The following SIAE variants were observed in gnomAD, a reference collection of about 807,000 sequenced individuals.
SIAE encodes sialic acid acetylesterase.
Under a neutral mutation model 52.6 loss-of-function variants are expected in SIAE, and 39 were observed. That is an observed-to-expected ratio of 0.74 (90% CI 0.57 to 0.97). SIAE has a LOEUF of 0.97. Ranked by LOEUF, SIAE falls within the 50% of genes least tolerant of loss-of-function variation. The pLI is 0.00. For missense variants in SIAE, 592 were observed against 662.1 expected (o/e 0.89, Z 1.16); for synonymous variants, 233 against 241.4 (o/e 0.97, Z 0.32).
At position 124,660,655 on chromosome 11, in the gene SIAE, C is replaced by T; in HGVS notation, c.378G>A (p.Gln126=). Residue 126 remains glutamine, a synonymous_variant, in exon 3 of 10, where the codon CAG becomes CAA. Transcript: ENST00000263593. ...LFGDVWLCSG[Q]SNMQMTVLQI... ...GTAACACAGTCATCTGCATGTTACTCTGCCCACTACAGAGCCAGACATCTC... is the reference window on the plus strand; with the variant it reads ...GTAACACAGTCATCTGCATGTTACTTTGCCCACTACAGAGCCAGACATCTC... 6.2e-7 allele frequency: 1 copy of T among 1,614,142 alleles called. No homozygotes were observed. Among genetic ancestry groups the T allele is most frequent in the Non-Finnish European group, 8.5e-7 (1 of 1,180,032 alleles).
Position 124,633,754 on chromosome 11 carries a change from T to C in SIAE, c.*3197A>G, listed in dbSNP as rs1942660867. 6.6e-6 allele frequency: 1 copy of C among 152,220 alleles called. No homozygotes were observed. The highest frequency in any genetic ancestry group is 2.1e-4 in the South Asian group (1 of 4,832). 9.4% of individuals were successfully genotyped at this position (152,220 alleles called of 1,614,324 possible). ...CTGCTTAAAATGTTAATGCAGTGTT[T>C]TTCTTTTTTTCTCTGCATAAATGGC... On this transcript the variant is annotated 3_prime_UTR_variant, in exon 10 of 10. Coordinates refer to ENST00000263593, the MANE Select transcript of SIAE (RefSeq NM_170601.5).
At chr11:124,649,857 G>A in intron 4 of SIAE, 61 bp from the exon 5 acceptor site, 1 of 1,570,872 alleles carries the variant, frequency 6.4e-7, no homozygotes, top group Non-Finnish European at 8.7e-7. Context: ...ACAAACTGCA[G>A]CTGCTAGGTG....
chr11:124,650,900 T>C (rs543013977), intron 4 of SIAE, among the ~76,000 whole-genome samples: 1 of 152,280 alleles, frequency 6.6e-6, no homozygotes, highest in South Asian at 2.1e-4. Context: ...CCAAAACTAG[T>C]GTTTAAATTC....
rs1408221671 is a variant in SIAE at position 124,635,833 on chromosome 11, A to G, written c.*1118T>C. ...CTTTTATTTATTTCCAACTTCTTAT[A>G]GGTAACATAATTTTCAGACAATGTT... On this transcript the variant is annotated 3_prime_UTR_variant, in exon 10 of 10. Coordinates refer to ENST00000263593, the MANE Select transcript of SIAE (RefSeq NM_170601.5). The G allele has an allele frequency of 6.6e-6, 1 of 152,224 alleles. No homozygotes were observed. Among genetic ancestry groups the G allele is most frequent in the African/African-American group, 2.4e-5 (1 of 41,456 alleles). The allele number at this position is 152,224 out of a possible 1,614,324, so 9.4% of individuals were successfully genotyped here.
At chr11:124,639,284 GGAAT>G (rs1942804605) in intron 8 of SIAE, among the ~76,000 whole-genome samples, 1 of 152,190 alleles carries the variant, frequency 6.6e-6, no homozygotes, top group Admixed American at 6.5e-5. Context: ...TGAGGCCAGA[GGAAT>G]GCTGGAATTC....
chr11:124,660,594 C>G, intron 3 of SIAE, 34 bp downstream of exon 3: 1 of 1,610,070 alleles, frequency 6.2e-7, no homozygotes, highest in Middle Eastern at 1.7e-4. Flanking sequence ...TCATCACCAA[C>G]ACTGTGTATT....
rs1459709596 is a variant in SIAE at position 124,633,217 on chromosome 11, G to C, written c.*3734C>G. 1 of 152,124 alleles carries C rather than the reference G, an allele frequency of 6.6e-6. No individual in the cohort carries two copies. Among genetic ancestry groups the C allele is most frequent in the Non-Finnish European group, 1.5e-5 (1 of 68,032 alleles). The allele number at this position is 152,124 out of a possible 1,614,324, so 9.4% of individuals were successfully genotyped here. A position where few individuals can be genotyped will look rare whatever the true frequency, so the allele number is the denominator to read the frequency against. Reference sequence around the variant, plus strand: ...TAACACAAATTCACATATAATTGGGGGTTAGTCCCATACTCTATAACAGAC... The same window carrying C: ...TAACACAAATTCACATATAATTGGGCGTTAGTCCCATACTCTATAACAGAC... On this transcript the variant is annotated 3_prime_UTR_variant, in exon 10 of 10. Transcript: ENST00000263593.
intron 2 of SIAE, among the ~76,000 whole-genome samples, chr11:124,663,200 A>G (rs1943216718): frequency 6.6e-6 from 1 of 152,234 alleles, no homozygotes; most frequent in Admixed American, 6.5e-5. Context: ...AGAAGAGTTA[A>G]CTTCCAGGCA....
At chr11:124,650,802 G>A (rs1943005751) in intron 4 of SIAE, among the ~76,000 whole-genome samples, 1 of 151,950 alleles carries the variant, frequency 6.6e-6, no homozygotes, top group Admixed American at 6.5e-5. Context: ...TAAAATAAAA[G>A]TCAAAAAATA....
At chr11:124,651,176 T>TA (rs1406161488) in intron 4 of SIAE, among the ~76,000 whole-genome samples, 1 of 152,138 alleles carries the variant, frequency 6.6e-6, no homozygotes, top group Admixed American at 6.5e-5. Flanking sequence ...CAGGAACTAC[T>TA]AGATGGATGG....
At chr11:124,672,965 A>G (rs1943389702) in intron 1 of SIAE, among the ~76,000 whole-genome samples, 1 of 152,156 alleles carries the variant, frequency 6.6e-6, no homozygotes, top group Admixed American at 6.5e-5. Flanking sequence ...TGCTTTCTCC[A>G]TACTGTGACC....
At chr11:124,663,006 G>A (rs1381639171) in intron 2 of SIAE, among the ~76,000 whole-genome samples, 2 of 152,042 alleles carry the variant, frequency 1.3e-5, no homozygotes, top group Non-Finnish European at 2.9e-5. Flanking sequence ...TTAGCAGGGT[G>A]TGATGGCATA....
intron 7 of SIAE, among the ~76,000 whole-genome samples, chr11:124,642,362 T>C (rs937306983): frequency 6.6e-6 from 1 of 152,228 alleles, no homozygotes; most frequent in African/African-American, 2.4e-5. Context: ...TGTCATGCAC[T>C]AATACTGGCC....
chr11:124,665,582 C>G (rs117621571), intron 2 of SIAE, among the ~76,000 whole-genome samples: 3,569 of 152,292 alleles, frequency 0.023, 66 homozygotes, highest in Non-Finnish European at 0.035. Flanking sequence ...TTCAGACCCA[C>G]AGAAATTGTG....
chr11:124,641,472 T>C (rs1278667344), intron 7 of SIAE, among the ~76,000 whole-genome samples: 1 of 152,194 alleles, frequency 6.6e-6, no homozygotes, highest in Non-Finnish European at 1.5e-5. Context: ...TTCTTTTGTA[T>C]TAAACAATAA....
chr11:124,668,143 A>C (rs771833820), intron 2 of SIAE, among the ~76,000 whole-genome samples: 6 of 152,016 alleles, frequency 3.9e-5, no homozygotes, highest in Non-Finnish European at 7.4e-5. Context: ...GCCCAGTCAC[A>C]CACCCCCCAG....
rs1461176789 is a variant in SIAE, at chr11:124,654,804, A to T, written c.406-11T>A. 3 of 1,612,992 alleles carry T rather than the reference A, an allele frequency of 1.9e-6. No individual in the cohort carries two copies. In the Admixed American group the frequency reaches 5.0e-5, roughly 27 times the overall value. On this transcript the variant is annotated splice_polypyrimidine_tract_variant and intron_variant, in intron 3 of 9. Coordinates refer to ENST00000263593, the MANE Select transcript of SIAE (RefSeq NM_170601.5). ...TGTAGCATTAAATATCTGGAAAAGA[A>T]ATTGAAACGTCATTTAACCTAGCAG...
rs1942656177 is a variant in SIAE, at chr11:124,633,558, C to G, written c.*3393G>C. ...ACTTTATAGTAATAAATCTGACCAG[C>G]AGAGGGAGGGATCAGGCAGCAGTGT... On this transcript the variant is annotated 3_prime_UTR_variant, in exon 10 of 10. Transcript: ENST00000263593. 1 of 152,320 alleles carries G rather than the reference C, an allele frequency of 6.6e-6. No individual in the cohort carries two copies. Among genetic ancestry groups the G allele is most frequent in the East Asian group, 1.9e-4 (1 of 5,184 alleles). 9.4% of individuals were successfully genotyped at this position (152,320 alleles called of 1,614,324 possible).
Position 124,648,138 on chromosome 11 carries a change from G to A in SIAE, c.760C>T (p.His254Tyr). 6.2e-7 allele frequency: 1 copy of A among 1,614,028 alleles called. No homozygotes were observed. Among genetic ancestry groups the A allele is most frequent in the Non-Finnish European group, 8.5e-7 (1 of 1,179,954 alleles). The change falls in exon 6 of 10, where the codon CAC (histidine) becomes TAC (tyrosine). Residue 254 changes from histidine (H) to tyrosine (Y), a missense_variant. His to Tyr is a moderately conservative substitution (Grantham distance 83). Transcript: ENST00000263593. ...PYDSVTGPSK[H>Y]SVLWNAMIHP... ...ATCATGGCATTCCAGAGAACAGAGT[G>A]CTTACTGGGACCAGTTACAGAATCG...
Sources: allele counts gnomAD v4.1 joint callset (sites outside exome capture counted in the v4.1 genomes callset), GRCh38; gene constraint gnomAD v4.1.1; transcripts MANE v1.5; gene names NCBI Gene and HGNC (gene_info 2026-07-23, HGNC 2026-07-21).